SPATA13: variants seen among roughly 807,000 people sequenced by gnomAD.
The protein encoded by SPATA13 is spermatogenesis-associated protein 13.
In SPATA13, 50 loss-of-function variants were observed where a neutral mutation model predicts 104.0. The observed-to-expected ratio is 0.48, with a 90% CI of 0.38 to 0.61. SPATA13 has a LOEUF of 0.61. SPATA13 is among the 20% of genes least tolerant of loss of function. The pLI is 0.00. For missense variants in SPATA13, 1,524 were observed against 1,690.6 expected (o/e 0.90, Z 1.73); for synonymous variants, 606 against 667.5 (o/e 0.91, Z 1.42).
At chr13:24,276,185 A>G (rs4238175) in intron 4 of SPATA13, among the ~76,000 whole-genome samples, 143,827 of 152,262 alleles carry the variant, frequency 0.94, 68,117 homozygotes, top group East Asian at 1. Context: ...ATAGCCAAGT[A>G]GTAAAAGGAG....
At chr13:24,225,133 C>G (rs1871856764) in intron 2 of SPATA13, among the ~76,000 whole-genome samples, 1 of 152,260 alleles carries the variant, frequency 6.6e-6, no homozygotes, top group South Asian at 2.1e-4. Flanking sequence ...TCCACCCATT[C>G]TGCCCAGCAG....
At chr13:24,009,469 A>T (rs534971269) in intron 2 of SPATA13, among the ~76,000 whole-genome samples, 3 of 152,318 alleles carry the variant, frequency 2.0e-5, no homozygotes, top group African/African-American at 7.2e-5. Flanking sequence ...GCCTAGTTTT[A>T]TACATTTTAG....
At chr13:24,150,759 C>A (rs1882076783) in intron 3 of SPATA13, among the ~76,000 whole-genome samples, 1 of 152,130 alleles carries the variant, frequency 6.6e-6, no homozygotes, top group African/African-American at 2.4e-5. Flanking sequence ...CCTCAGGGAA[C>A]CCACATCTTC....
chr13:24,160,771 G>A lies in SPATA13; in HGVS notation c.-273G>A. 1 of 985,438 alleles carries A rather than the reference G, an allele frequency of 1.0e-6. No individual in the cohort carries two copies. Among genetic ancestry groups the A allele is most frequent in the Non-Finnish European group, 1.2e-6 (1 of 829,962 alleles). The allele number at this position is 985,438 out of a possible 1,614,324, so 61.0% of individuals were successfully genotyped here. ...GAGTGTGCGTTGCGCTTTCTCCCGC[G>A]ATCGCCCTGCCGGTCGCTAGCTCCG... is the stretch of plus-strand genomic sequence containing the variant. On this transcript the variant is annotated 5_prime_UTR_variant, in exon 1 of 13. Transcript: ENST00000382108.
rs540226945 is a variant in SPATA13, at chr13:24,173,259, A to T, written c.-112+12327A>T. On this transcript the variant is annotated intron_variant, in intron 1 of 12. Coordinates refer to ENST00000382108, the MANE Select transcript of SPATA13 (RefSeq NM_001166271.3). The stretch of plus-strand genomic sequence containing the variant: ...GGCGTGGCTAATTTTTTGTATTTTT[A>T]GTAGAGATGGGGTTTTGCCATGTTA... Among the ~76,000 whole-genome samples the T allele has an allele frequency of 4.6e-5, 7 of 151,956 alleles. No homozygotes were observed. In the South Asian group the frequency reaches 1.5e-3, roughly 32 times the overall value.
chr13:23,991,942 G>A (rs1483232167), intron 2 of SPATA13, among the ~76,000 whole-genome samples: 2 of 152,194 alleles, frequency 1.3e-5, no homozygotes, highest in Non-Finnish European at 2.9e-5. Context: ...ATGGGAAGAG[G>A]ACACGGTGAT....
At chr13:23,996,198 T>C (rs892644894) in intron 2 of SPATA13, among the ~76,000 whole-genome samples, 12 of 152,332 alleles carry the variant, frequency 7.9e-5, no homozygotes, top group African/African-American at 2.9e-4. Flanking sequence ...TTCACTGGGC[T>C]GACTCAAGGA....
chr13:24,000,971 T>C (rs1034686835), intron 2 of SPATA13, among the ~76,000 whole-genome samples: 1 of 152,144 alleles, frequency 6.6e-6, no homozygotes, highest in Non-Finnish European at 1.5e-5. Context: ...TGCTGTAACA[T>C]AGCACCACTG....
chr13:24,043,398 C>A (rs1395710581), intron 3 of SPATA13, among the ~76,000 whole-genome samples: 1 of 152,154 alleles, frequency 6.6e-6, no homozygotes, highest in Non-Finnish European at 1.5e-5. Flanking sequence ...ATTGGGAAAT[C>A]ATTTGTAGCA....
chr13:24,172,535 AG>A (rs1403238906), intron 1 of SPATA13, among the ~76,000 whole-genome samples: 1 of 150,622 alleles, frequency 6.6e-6, no homozygotes, highest in African/African-American at 2.5e-5. Flanking sequence ...TTTTTGTAGC[AG>A]GCATGAGATT....
intron 3 of SPATA13, among the ~76,000 whole-genome samples, chr13:24,098,991 T>C (rs1367786116): frequency 6.6e-6 from 1 of 151,914 alleles, no homozygotes; most frequent in African/African-American, 2.4e-5. Context: ...AATCCCAGCT[T>C]CTCAGGAGGG....
At chr13:24,196,585 A>G (rs954205412) in intron 1 of SPATA13, among the ~76,000 whole-genome samples, 4 of 152,082 alleles carry the variant, frequency 2.6e-5, no homozygotes, top group Admixed American at 6.6e-5. Context: ...AAACCAAAAA[A>G]ATTACCTGGG....
At chr13:24,272,223 C>T (rs1490770098) in intron 4 of SPATA13, among the ~76,000 whole-genome samples, 1 of 152,142 alleles carries the variant, frequency 6.6e-6, no homozygotes, top group Non-Finnish European at 1.5e-5. Flanking sequence ...ATTCCTCCAC[C>T]GCCTTCCACA....
At position 24,223,017 on chromosome 13, in the gene SPATA13, C is replaced by A; in HGVS notation, c.88C>A (p.Pro30Thr). 6.4e-7 allele frequency: 1 copy of A among 1,551,590 alleles called. No individual in the cohort carries two copies. Among genetic ancestry groups the A allele is most frequent in the Non-Finnish European group, 8.7e-7 (1 of 1,146,888 alleles). Reference protein sequence around the residue: ...PNGLGPGPAAPCAGSDLKDAK... With the variant: ...PNGLGPGPAATCAGSDLKDAK... ...CGGCCTCGGGCCAGGCCCCGCAGCC[C>A]CCTGTGCAGGCTCGGACCTGAAAGA... The change falls in exon 2 of 13, where the codon CCC (proline) becomes ACC (threonine). Residue 30 changes from proline (P) to threonine (T), a missense_variant. Pro to Thr is a conservative substitution (Grantham distance 38). Transcript: ENST00000382108.
intron 2 of SPATA13, among the ~76,000 whole-genome samples, chr13:24,006,648 AG>A (rs1450388078): frequency 7.2e-5 from 11 of 152,210 alleles, no homozygotes; most frequent in African/African-American, 2.6e-4. Context: ...TGGTCACCAC[AG>A]TTGTCTTAGG....
intron 3 of SPATA13, among the ~76,000 whole-genome samples, chr13:24,070,607 G>A (rs1273781424): frequency 6.6e-6 from 1 of 152,202 alleles, no homozygotes; most frequent in African/African-American, 2.4e-5. Flanking sequence ...CTGATATTTG[G>A]TTGAACATTA....
chr13:24,054,532 A>G (rs1878470489), intron 3 of SPATA13, among the ~76,000 whole-genome samples: 1 of 151,304 alleles, frequency 6.6e-6, no homozygotes, highest in Non-Finnish European at 1.5e-5. Flanking sequence ...TGTGCAAACC[A>G]GATACGCATT....
At chr13:24,002,527 G>A (rs562005885) in intron 2 of SPATA13, among the ~76,000 whole-genome samples, 114 of 152,244 alleles carry the variant, frequency 7.5e-4, no homozygotes, top group Non-Finnish European at 1.2e-3. Context: ...ACACCAGATC[G>A]GCCTCAGTGG....
At chr13:23,987,690 A>C (rs1875218027) in intron 2 of SPATA13, among the ~76,000 whole-genome samples, 1 of 152,190 alleles carries the variant, frequency 6.6e-6, no homozygotes, top group Non-Finnish European at 1.5e-5. Flanking sequence ...GGCATTCAGC[A>C]CATTCACATT....
Sources: gnomAD v4.1 joint callset for allele counts (sites outside exome capture counted in the v4.1 genomes callset) on GRCh38, gnomAD v4.1.1 for gene constraint, MANE v1.5 for transcripts, NCBI Gene and HGNC (gene_info 2026-07-23, HGNC 2026-07-21) for gene names.